The following DPP6 variants were observed in gnomAD, a reference collection of about 807,000 sequenced individuals.
DPP6 encodes dipeptidyl peptidase like 6, also known as A-type potassium channel modulatory protein DPP6.
DPP6 carries 69 observed loss-of-function variants against 122.6 expected under a neutral mutation model. The ratio of observed to expected loss-of-function variants is 0.56; its 90% CI spans 0.46 to 0.69. DPP6 has a LOEUF of 0.69. Ranked by LOEUF, DPP6 falls within the 30% of genes least tolerant of loss-of-function variation. The pLI, the probability that DPP6 is intolerant of heterozygous loss-of-function variation, is 0.00. For missense variants in DPP6, 928 were observed against 1,116.9 expected (o/e 0.83, Z 2.41); for synonymous variants, 418 against 433.1 (o/e 0.97, Z 0.43).
At chr7:154,474,363 T>G (rs1822541138) in intron 2 of DPP6, among the ~76,000 whole-genome samples, 1 of 152,166 alleles carries the variant, frequency 6.6e-6, no homozygotes, top group Admixed American at 6.5e-5. Flanking sequence ...TCCTAAGCCT[T>G]GTAACAGAGA....
chr7:154,768,996 G>A (rs929364466), intron 8 of DPP6, among the ~76,000 whole-genome samples: 10 of 152,116 alleles, frequency 6.6e-5, no homozygotes, highest in Admixed American at 1.3e-4. Flanking sequence ...ATTTGGTTCC[G>A]TCTGCATGGG....
intron 10 of DPP6, among the ~76,000 whole-genome samples, chr7:154,790,764 C>T (rs1378544723): frequency 2.0e-5 from 3 of 148,286 alleles, no homozygotes; most frequent in African/African-American, 7.5e-5. Context: ...TTATATTTTT[C>T]CTCAGTGCAA....
chr7:154,120,650 A>G (rs891757110), intron 1 of DPP6, among the ~76,000 whole-genome samples: 5 of 152,194 alleles, frequency 3.3e-5, no homozygotes, highest in South Asian at 2.1e-4. Flanking sequence ...AAGTTTCATG[A>G]TTTATAAGAA....
intron 6 of DPP6, among the ~76,000 whole-genome samples, chr7:154,655,709 G>A (rs1332778262): frequency 6.6e-6 from 1 of 152,184 alleles, no homozygotes; most frequent in Non-Finnish European, 1.5e-5. Flanking sequence ...GTGCTGCCGT[G>A]GCCTAAATGT....
At chr7:153,790,333 A>G in the DPP6 span, among the ~76,000 whole-genome samples, 1 of 145,516 alleles carries the variant, frequency 6.9e-6, no homozygotes, top group African/African-American at 2.5e-5. Context: ...CTACTAAATG[A>G]ACAAATAATT....
chr7:153,825,965 A>G, the DPP6 span, among the ~76,000 whole-genome samples: 2 of 152,234 alleles, frequency 1.3e-5, no homozygotes, highest in Non-Finnish European at 2.9e-5. Flanking sequence ...CAAAAGAAAA[A>G]TAAACCTTGA....
At chr7:153,840,618 C>G in the DPP6 span, among the ~76,000 whole-genome samples, 1 of 152,158 alleles carries the variant, frequency 6.6e-6, no homozygotes, top group Non-Finnish European at 1.5e-5. Context: ...AGTCAGAACT[C>G]CAAATGTAAG....
At chr7:154,866,963 A>G (rs1197583849) in intron 17 of DPP6, among the ~76,000 whole-genome samples, 1 of 148,590 alleles carries the variant, frequency 6.7e-6, no homozygotes, top group Non-Finnish European at 1.5e-5. Flanking sequence ...GCCCCGGAGA[A>G]GCGCCCACCT....
intron 1 of DPP6, among the ~76,000 whole-genome samples, chr7:153,985,308 T>A (rs1466936857): frequency 6.6e-6 from 1 of 152,224 alleles, no homozygotes; most frequent in East Asian, 1.9e-4. Flanking sequence ...AAGTTGTGTC[T>A]TTATCTTCTG....
chr7:153,926,190 C>T (rs1372302639), intron 1 of DPP6, among the ~76,000 whole-genome samples: 1 of 152,210 alleles, frequency 6.6e-6, no homozygotes, highest in Non-Finnish European at 1.5e-5. Context: ...TCATCTGTTA[C>T]CTGTCACCGA....
chr7:154,123,417 T>C (rs2150611769), intron 1 of DPP6, among the ~76,000 whole-genome samples: 1 of 152,294 alleles, frequency 6.6e-6, no homozygotes, highest in South Asian at 2.1e-4. Flanking sequence ...GCTCTTAAAA[T>C]TGTTAGGGGT....
At chr7:154,801,293 T>C in intron 12 of DPP6, 62 bp from the exon 13 acceptor site, 1 of 1,548,536 alleles carries the variant, frequency 6.5e-7, no homozygotes, top group Non-Finnish European at 8.7e-7. Context: ...TTTATCCTGG[T>C]TCAACCTCTT....
At chr7:154,708,379 C>G (rs927591495) in intron 7 of DPP6, among the ~76,000 whole-genome samples, 1 of 152,184 alleles carries the variant, frequency 6.6e-6, no homozygotes, top group African/African-American at 2.4e-5. Context: ...CACCTATGCT[C>G]CCGTCAGGTG....
intron 1 of DPP6, among the ~76,000 whole-genome samples, chr7:154,217,961 G>A (rs925298522): frequency 2.0e-5 from 3 of 152,184 alleles, no homozygotes; most frequent in African/African-American, 4.8e-5. Flanking sequence ...GTGATTCTGC[G>A]TCCTCCCTCT....
chr7:154,718,291 TGCCTTTGA>T (rs67564206), intron 7 of DPP6, among the ~76,000 whole-genome samples: 31,240 of 151,986 alleles, frequency 0.21, 3,458 homozygotes, highest in Admixed American at 0.24. Context: ...TTTGTGCCTG[TGCCTTTGA>T]GTTCTTTTCT....
intron 1 of DPP6, among the ~76,000 whole-genome samples, chr7:154,140,873 C>T (rs924097799): frequency 3.3e-5 from 5 of 152,186 alleles, no homozygotes; most frequent in Admixed American, 6.5e-5. Context: ...TGCAGCTCAG[C>T]GACCTTCTGG....
chr7:154,646,153 A>G (rs902748242), intron 6 of DPP6, among the ~76,000 whole-genome samples: 2 of 152,054 alleles, frequency 1.3e-5, no homozygotes, highest in Non-Finnish European at 2.9e-5. Context: ...GACAGAAAAT[A>G]AATCTCATAC....
rs532026488 is a variant in DPP6 at position 154,751,296 on chromosome 7, G to A, written c.884-18121G>A. Among the ~76,000 whole-genome samples the A allele has an allele frequency of 8.5e-5, 13 of 152,136 alleles. No homozygotes were observed. In the South Asian group the frequency reaches 2.1e-3, roughly 24 times the overall value. ...CAAAGATGTGTTAGGAAAACAGGCC[G>A]ATATCTATCGATAAGGAAAACTGGC... On this transcript the variant is annotated intron_variant, in intron 8 of 25. Coordinates refer to ENST00000377770, the MANE Select transcript of DPP6 (RefSeq NM_130797.4).
chr7:154,585,345 A>G lies in DPP6; in HGVS notation c.627+18429A>G, dbSNP rs1832369678. Reference sequence around the variant, plus strand: ...TGTGCTTACTGAGTTCTTACCCTCAATGTCAAAAACCCAACAGACTTTCAT... The same window carrying G: ...TGTGCTTACTGAGTTCTTACCCTCAGTGTCAAAAACCCAACAGACTTTCAT... On this transcript the variant is annotated intron_variant, in intron 5 of 25. Coordinates refer to ENST00000377770, the MANE Select transcript of DPP6 (RefSeq NM_130797.4). 5.3e-5 allele frequency among the ~76,000 whole-genome samples: 8 copies of G among 152,232 alleles called. No individual in the cohort carries two copies. The South Asian group carries it at 1.7e-3, about 32-fold the overall frequency.
Sources: gnomAD v4.1 joint callset for allele counts (sites outside exome capture counted in the v4.1 genomes callset) on GRCh38, gnomAD v4.1.1 for gene constraint, MANE v1.5 for transcripts, NCBI Gene and HGNC (gene_info 2026-07-23, HGNC 2026-07-21) for gene names.